Variants in APBA1 observed in about 807,000 individuals in gnomAD.
APBA1 encodes amyloid-beta A4 precursor protein-binding family A member 1.
Under a neutral mutation model 86.6 loss-of-function variants are expected in APBA1, and 55 were observed. That is an observed-to-expected ratio of 0.64 (90% CI 0.51 to 0.80). The LOEUF is 0.80. Among genes scored for constraint, APBA1 ranks in the 30% least tolerant of loss-of-function variants. The pLI is 0.00. For missense variants in APBA1, 1,090 were observed against 1,183.0 expected, an observed-to-expected ratio of 0.92 and a Z score of 1.15; for synonymous variants, 511 against 493.9, an observed-to-expected ratio of 1.03 and a Z score of -0.46.
intron 1 of APBA1, among the ~76,000 whole-genome samples, chr9:69,535,057 T>C (rs1159270512): frequency 6.6e-6 from 1 of 152,220 alleles, no homozygotes. Context: ...CAATTTTACT[T>C]TTTATATTTG....
At chr9:69,448,916 A>C (rs1405109941) in intron 10 of APBA1, among the ~76,000 whole-genome samples, 1 of 152,198 alleles carries the variant, frequency 6.6e-6, no homozygotes, top group Non-Finnish European at 1.5e-5. Context: ...TTCATGTCTA[A>C]AGAAAATCTC....
chr9:69,443,786 C>T (rs565825204), intron 10 of APBA1, among the ~76,000 whole-genome samples: 9 of 152,278 alleles, frequency 5.9e-5, no homozygotes, highest in Admixed American at 2.6e-4. Flanking sequence ...GCATTCAAAA[C>T]GCACAGTATT....
chr9:69,484,359 G>A (rs1301156262), intron 2 of APBA1, among the ~76,000 whole-genome samples: 7 of 152,148 alleles, frequency 4.6e-5, no homozygotes, highest in African/African-American at 1.7e-4. Flanking sequence ...ATATGGAACA[G>A]GGGGAGGAGG....
chr9:69,658,969 C>T (rs1388437564), intron 1 of APBA1, among the ~76,000 whole-genome samples: 1 of 152,150 alleles, frequency 6.6e-6, no homozygotes, highest in East Asian at 1.9e-4. Context: ...CAGGCTGAAG[C>T]CCCTCTTTGC....
intron 5 of APBA1, among the ~76,000 whole-genome samples, chr9:69,458,837 G>A (rs1835144346): frequency 2.1e-5 from 3 of 142,118 alleles, no homozygotes; most frequent in Non-Finnish European, 4.6e-5. Flanking sequence ...ATGGAGTTTT[G>A]CTCTTGTTGC....
chr9:69,630,190 G>C (rs1397614706), intron 1 of APBA1, among the ~76,000 whole-genome samples: 1 of 152,036 alleles, frequency 6.6e-6, no homozygotes, highest in Admixed American at 6.6e-5. Context: ...ACTTGAAGGA[G>C]GGAACCAAAA....
At chr9:69,550,239 G>C (rs1836764108) in intron 1 of APBA1, among the ~76,000 whole-genome samples, 1 of 152,170 alleles carries the variant, frequency 6.6e-6, no homozygotes, top group Non-Finnish European at 1.5e-5. Flanking sequence ...TAGGGATGCA[G>C]TGATAAAAAT....
intron 6 of APBA1, among the ~76,000 whole-genome samples, chr9:69,457,830 A>G (rs1430458834): frequency 6.6e-6 from 1 of 152,196 alleles, no homozygotes; most frequent in African/African-American, 2.4e-5. Context: ...CAAATCAAGC[A>G]TAACTATAAT....
intron 1 of APBA1, among the ~76,000 whole-genome samples, chr9:69,569,831 T>C (rs1837087396): frequency 6.6e-6 from 1 of 152,232 alleles, no homozygotes; most frequent in South Asian, 2.1e-4. Flanking sequence ...TGCTAGAGTT[T>C]TTTTTTTCCT....
intron 1 of APBA1, among the ~76,000 whole-genome samples, chr9:69,538,326 C>T (rs537087358): frequency 6.6e-6 from 1 of 152,338 alleles, no homozygotes; most frequent in South Asian, 2.1e-4. Context: ...TACGGGTTGA[C>T]ATCTTTAAAC....
intron 1 of APBA1, among the ~76,000 whole-genome samples, chr9:69,573,714 A>C (rs1837151894): frequency 1.3e-5 from 2 of 152,210 alleles, no homozygotes; most frequent in South Asian, 4.1e-4. Context: ...AGTTTCTGAC[A>C]ATTTCCAAGC....
chr9:69,625,070 A>C (rs1418220712), intron 1 of APBA1, among the ~76,000 whole-genome samples: 2 of 152,148 alleles, frequency 1.3e-5, no homozygotes, highest in Non-Finnish European at 2.9e-5. Context: ...GATAAATTCA[A>C]ATTCCTTCCT....
At chr9:69,568,248 T>A (rs1467300617) in intron 1 of APBA1, among the ~76,000 whole-genome samples, 1 of 152,146 alleles carries the variant, frequency 6.6e-6, no homozygotes, top group Non-Finnish European at 1.5e-5. Context: ...TGGCCTGTGA[T>A]CACACTTCAA....
intron 1 of APBA1, among the ~76,000 whole-genome samples, chr9:69,629,404 G>A (rs1157723356): frequency 1.3e-5 from 2 of 152,080 alleles, no homozygotes; most frequent in African/African-American, 4.8e-5. Context: ...CCTCATTTCT[G>A]AGCAATATTT....
intron 1 of APBA1, among the ~76,000 whole-genome samples, chr9:69,622,839 C>T (rs1401142626): frequency 6.6e-6 from 1 of 152,156 alleles, no homozygotes; most frequent in Non-Finnish European, 1.5e-5. Flanking sequence ...GGTATAATTT[C>T]CCAACTTCTC....
intron 11 of APBA1, among the ~76,000 whole-genome samples, chr9:69,433,008 C>T (rs1834632303): frequency 6.6e-6 from 1 of 152,170 alleles, no homozygotes; most frequent in African/African-American, 2.4e-5. Context: ...AACTGTCAGC[C>T]TGTGTGACAC....
intron 10 of APBA1, among the ~76,000 whole-genome samples, chr9:69,449,294 G>A (rs1000001413): frequency 2.6e-5 from 4 of 152,160 alleles, no homozygotes; most frequent in African/African-American, 9.7e-5. Flanking sequence ...GGGCTTAGTG[G>A]GAGAATGCTG....
At chr9:69,484,351 A>G (rs1835572685) in intron 2 of APBA1, among the ~76,000 whole-genome samples, 1 of 152,120 alleles carries the variant, frequency 6.6e-6, no homozygotes, top group Non-Finnish European at 1.5e-5. Context: ...GAGTACCCAT[A>G]TGGAACAGGG....
chr9:69,582,253 C>T (rs1005994437), intron 1 of APBA1, among the ~76,000 whole-genome samples: 11 of 152,120 alleles, frequency 7.2e-5, no homozygotes, highest in Admixed American at 5.2e-4. Context: ...TGATCAGATA[C>T]AAAGTAAGAT....
Sources: gnomAD v4.1 joint callset for allele counts (sites outside exome capture counted in the v4.1 genomes callset) on GRCh38, gnomAD v4.1.1 for gene constraint, MANE v1.5 for transcripts, NCBI Gene and HGNC (gene_info 2026-07-23, HGNC 2026-07-21) for gene names.